The following RIMS2 variants were observed in gnomAD, a reference collection of about 807,000 sequenced individuals.
RIMS2 encodes the protein regulating synaptic membrane exocytosis protein 2.
In RIMS2, 59 loss-of-function variants were observed where a neutral mutation model predicts 174.4. That is an observed-to-expected ratio of 0.34 (90% CI 0.27 to 0.42). The LOEUF is 0.42. Among genes scored for constraint, RIMS2 ranks in the 10% least tolerant of loss-of-function variants. RIMS2 has a pLI of 1.00. For missense variants in RIMS2, 1,620 were observed against 1,666.3 expected (o/e 0.97, Z 0.48); for synonymous variants, 606 against 572.5 (o/e 1.06, Z -0.84).
At chr8:103,566,213 T>G (rs1176773046) in intron 1 of RIMS2, among the ~76,000 whole-genome samples, 4 of 152,152 alleles carry the variant, frequency 2.6e-5, no homozygotes, top group Non-Finnish European at 4.4e-5. Flanking sequence ...ATCCTGTTTG[T>G]CAGGGTCTTA....
chr8:103,738,542 TA>T (rs1387381591), intron 2 of RIMS2, among the ~76,000 whole-genome samples: 1 of 152,050 alleles, frequency 6.6e-6, no homozygotes, highest in Non-Finnish European at 1.5e-5. Flanking sequence ...GGGATCTAAT[TA>T]AACTAAAGAG....
intron 2 of RIMS2, among the ~76,000 whole-genome samples, chr8:103,711,897 A>AATATAT (rs35477375): frequency 1.5e-4 from 22 of 149,294 alleles, no homozygotes; most frequent in African/African-American, 3.7e-4. Context: ...CCCCATCTGA[A>AATATAT]ATATATATAT....
intron 2 of RIMS2, among the ~76,000 whole-genome samples, chr8:103,755,571 A>T (rs574373693): frequency 6.6e-6 from 1 of 152,280 alleles, no homozygotes; most frequent in South Asian, 2.1e-4. Context: ...TACACCAGTC[A>T]AACATAGATT....
intron 19 of RIMS2, among the ~76,000 whole-genome samples, chr8:104,135,813 G>T (rs1160054949): frequency 6.6e-6 from 1 of 151,920 alleles, no homozygotes; most frequent in East Asian, 1.9e-4. Flanking sequence ...TGAAGAGGAA[G>T]GGGCTGATAC....
chr8:103,935,268 A>G (rs72681383), intron 12 of RIMS2, among the ~76,000 whole-genome samples: 19,320 of 152,160 alleles, frequency 0.13, 1,697 homozygotes, highest in Non-Finnish European at 0.19. Context: ...ATGGGTTTGC[A>G]TTGTCATTTT....
At chr8:103,918,346 A>G in intron 8 of RIMS2, 95 bp from the exon 12 acceptor site, 2 of 676,444 alleles carry the variant, frequency 3.0e-6, no homozygotes, top group East Asian at 2.6e-5. Flanking sequence ...TTCATTTTAC[A>G]CTCTCCTATT....
intron 19 of RIMS2, among the ~76,000 whole-genome samples, chr8:104,177,408 A>T (rs1356512748): frequency 6.6e-6 from 1 of 152,150 alleles, no homozygotes; most frequent in Non-Finnish European, 1.5e-5. Context: ...CTTCATATGT[A>T]ATATTTTTAC....
chr8:103,964,153 G>A (rs2091087752), intron 15 of RIMS2, among the ~76,000 whole-genome samples: 2 of 152,180 alleles, frequency 1.3e-5, no homozygotes, highest in Admixed American at 1.3e-4. Flanking sequence ...AGGTTTTTGT[G>A]TGGACATGTT....
intron 1 of RIMS2, among the ~76,000 whole-genome samples, chr8:103,660,563 C>G (rs1236707071): frequency 2.0e-5 from 3 of 151,726 alleles, no homozygotes; most frequent in Admixed American, 2.0e-4. Context: ...TACTAGGGCC[C>G]GGAATAAACA....
At chr8:103,936,665 G>A in exon 13 of RIMS2, 1 of 1,611,536 alleles carries the variant, frequency 6.2e-7, no homozygotes, top group Non-Finnish European at 8.5e-7. Flanking sequence ...GAATGCTAGA[G>A]ATTACCCTTT....
intron 19 of RIMS2, among the ~76,000 whole-genome samples, chr8:104,045,383 C>G (rs188253055): frequency 6.6e-6 from 1 of 151,792 alleles, no homozygotes; most frequent in Non-Finnish European, 1.5e-5. Flanking sequence ...AAGTAGCATG[C>G]TTTATTAGGG....
At chr8:104,034,178 T>C (rs956141848) in intron 19 of RIMS2, among the ~76,000 whole-genome samples, 1 of 152,188 alleles carries the variant, frequency 6.6e-6, no homozygotes, top group Non-Finnish European at 1.5e-5. Context: ...ATTGGTGTTT[T>C]ATGAAAATCT....
chr8:103,993,087 C>G (rs1325695229), intron 17 of RIMS2, among the ~76,000 whole-genome samples: 1 of 152,092 alleles, frequency 6.6e-6, no homozygotes, highest in Non-Finnish European at 1.5e-5. Flanking sequence ...GCACTCCAGC[C>G]TGGGTGACAG....
chr8:104,236,337 C>T (rs72685066), intron 19 of RIMS2, among the ~76,000 whole-genome samples: 19,569 of 151,958 alleles, frequency 0.13, 1,639 homozygotes, highest in African/African-American at 0.23. Context: ...TTTGGTACCA[C>T]ATGAATATTC....
chr8:104,187,842 G>A (rs1466263403), intron 19 of RIMS2, among the ~76,000 whole-genome samples: 2 of 151,638 alleles, frequency 1.3e-5, no homozygotes. Context: ...ATAAAAAAAT[G>A]TTCCTCTTAA....
At chr8:103,916,897 A>C (rs1265768012) in intron 8 of RIMS2, among the ~76,000 whole-genome samples, 3 of 152,130 alleles carry the variant, frequency 2.0e-5, no homozygotes, top group Non-Finnish European at 4.4e-5. Context: ...TAGGAAAGAA[A>C]GGGCCAAAGG....
At chr8:103,969,403 T>A (rs1262688784) in intron 15 of RIMS2, among the ~76,000 whole-genome samples, 2 of 152,208 alleles carry the variant, frequency 1.3e-5, no homozygotes, top group Non-Finnish European at 2.9e-5. Flanking sequence ...TTGTTCTCTT[T>A]GCTTTTCAGT....
chr8:103,754,179 G>A (rs776829623), intron 2 of RIMS2, among the ~76,000 whole-genome samples: 19 of 151,994 alleles, frequency 1.3e-4, no homozygotes, highest in South Asian at 2.1e-4. Context: ...CCTTCATTTC[G>A]TTATGTACCC....
chr8:103,928,005 T>C (rs1457972224), intron 11 of RIMS2: 2 of 738,784 alleles, frequency 2.7e-6, no homozygotes, highest in South Asian at 1.9e-5. Flanking sequence ...AATCATATTA[T>C]TGACTTTCAA....
Sources: allele counts gnomAD v4.1 joint callset (sites outside exome capture counted in the v4.1 genomes callset), GRCh38; gene constraint gnomAD v4.1.1; transcripts MANE v1.5; gene names NCBI Gene and HGNC (gene_info 2026-07-23, HGNC 2026-07-21).